Variants in SLC16A12 observed in about 807,000 individuals in gnomAD.
SLC16A12 encodes the protein solute carrier family 16 member 12.
In SLC16A12, 17 loss-of-function variants were observed where a neutral mutation model predicts 42.4. The ratio of observed to expected loss-of-function variants is 0.40; its 90% CI spans 0.27 to 0.60. The LOEUF is 0.60. Among genes scored for constraint, SLC16A12 ranks in the 20% least tolerant of loss-of-function variants. The probability of loss-of-function intolerance (pLI) is 0.42; values close to 1 mark genes in which losing one functional copy is unlikely to be tolerated. For synonymous variants in SLC16A12, 224 were observed against 229.4 expected (o/e 0.98, Z 0.21); for missense variants, 544 against 623.0 (o/e 0.87, Z 1.35).
At chr10:89,483,930 C>G (rs1251177181) in intron 2 of SLC16A12, among the ~76,000 whole-genome samples, 1 of 152,090 alleles carries the variant, frequency 6.6e-6, no homozygotes, top group Non-Finnish European at 1.5e-5. Flanking sequence ...CTTTTGGCAT[C>G]CAAATGCTGA....
chr10:89,443,710 G>A, intron 4 of SLC16A12, 46 bp downstream of exon 4: 2 of 1,327,206 alleles, frequency 1.5e-6, no homozygotes, highest in Non-Finnish European at 2.2e-6. Context: ...GTCATATACA[G>A]TTCAAGAGTG....
chr10:89,480,006 T>A (rs2133784668), intron 2 of SLC16A12, among the ~76,000 whole-genome samples: 2 of 152,288 alleles, frequency 1.3e-5, no homozygotes, highest in Middle Eastern at 6.8e-3. Context: ...AGAAGGAGGC[T>A]TATAAGAGGC....
chr10:89,521,853 T>C (rs577934495), intron 2 of SLC16A12, among the ~76,000 whole-genome samples: 26 of 152,354 alleles, frequency 1.7e-4, no homozygotes, highest in African/African-American at 5.5e-4. Flanking sequence ...ATGCAAAATG[T>C]AAGCTATGCA....
At chr10:89,484,439 C>G (rs1212201749) in intron 2 of SLC16A12, among the ~76,000 whole-genome samples, 1 of 152,184 alleles carries the variant, frequency 6.6e-6, no homozygotes, top group Non-Finnish European at 1.5e-5. Context: ...AAAAGAGTTT[C>G]AACTCACAGT....
At chr10:89,532,907 T>C (rs1843579048) in intron 2 of SLC16A12, among the ~76,000 whole-genome samples, 1 of 152,198 alleles carries the variant, frequency 6.6e-6, no homozygotes, top group African/African-American at 2.4e-5. Flanking sequence ...AGCAACATCT[T>C]ATAAACTAAT....
chr10:89,448,512 A>T (rs9687632), intron 3 of SLC16A12, among the ~76,000 whole-genome samples: 3 of 152,224 alleles, frequency 2.0e-5, no homozygotes, highest in African/African-American at 7.2e-5. Flanking sequence ...AAACCACATG[A>T]TTATCTCAAT....
Position 89,490,204 on chromosome 10 carries a change from G to A in SLC16A12, c.-46-27580C>T, listed in dbSNP as rs1215010328. Reference sequence around the variant, plus strand: ...ATGATGAGCAGATAACAGTGAACCTGGACTTGCAATCAAATCTCAGAACTT... The same window carrying A: ...ATGATGAGCAGATAACAGTGAACCTAGACTTGCAATCAAATCTCAGAACTT... On this transcript the variant is annotated intron_variant, in intron 2 of 7. Coordinates refer to ENST00000371790, the MANE Select transcript of SLC16A12 (RefSeq NM_213606.4). Among the ~76,000 whole-genome samples the A allele has an allele frequency of 5.9e-5, 9 of 152,178 alleles. 1 individual carries two copies. The highest frequency in any genetic ancestry group is 5.9e-4 in the Admixed American group (9 of 15,274).
At chr10:89,526,487 A>G (rs773302008) in intron 2 of SLC16A12, among the ~76,000 whole-genome samples, 1 of 152,212 alleles carries the variant, frequency 6.6e-6, no homozygotes, top group Non-Finnish European at 1.5e-5. Context: ...AAGACCGAAG[A>G]TTTCCCAGGC....
At chr10:89,516,435 A>G (rs1350474853) in intron 2 of SLC16A12, among the ~76,000 whole-genome samples, 1 of 152,146 alleles carries the variant, frequency 6.6e-6, no homozygotes, top group East Asian at 1.9e-4. Flanking sequence ...ATAACTGATG[A>G]GATTTCTTTT....
intron 2 of SLC16A12, among the ~76,000 whole-genome samples, chr10:89,514,090 C>T (rs1253093576): frequency 6.6e-6 from 1 of 152,086 alleles, no homozygotes; most frequent in African/African-American, 2.4e-5. Flanking sequence ...TGCTAAATGG[C>T]GGATTCAGAT....
chr10:89,526,337 C>T (rs1420611912), intron 2 of SLC16A12, among the ~76,000 whole-genome samples: 8 of 152,242 alleles, frequency 5.3e-5, no homozygotes. Flanking sequence ...TCACCCCTCT[C>T]TAGAAACACT....
chr10:89,550,058 GT>G (rs1843761646), intron 2 of SLC16A12, among the ~76,000 whole-genome samples: 1 of 152,020 alleles, frequency 6.6e-6, no homozygotes, highest in South Asian at 2.1e-4. Flanking sequence ...AACAAGTCCT[GT>G]CAATTGTCTC....
rs1276072629 is a variant in SLC16A12, at chr10:89,486,590, TCAAAA to T, written c.-46-23971_-46-23967del. On this transcript the variant is annotated intron_variant, in intron 2 of 7. Coordinates refer to ENST00000371790, the MANE Select transcript of SLC16A12 (RefSeq NM_213606.4). ...CTAGGTGACAGAGTGAAACCTTGTC[TCAAAA>T]AAAAAAAAAAAGAAAGAAAGAAAGA... Among the ~76,000 whole-genome samples, 6 of 32,638 alleles carry T rather than the reference TCAAAA, an allele frequency of 1.8e-4. No individual in the cohort carries two copies. The East Asian group carries it at 3.0e-3, about 17-fold the overall frequency. The allele number at this position is 32,638 out of a possible 152,430, so 21.4% of individuals were successfully genotyped here. A position where few individuals can be genotyped will look rare whatever the true frequency, so the allele number is the denominator to read the frequency against.
rs976612441 is a variant in SLC16A12, at chr10:89,462,789, C to A, written c.-46-165G>T. On this transcript the variant is annotated intron_variant, in intron 2 of 7. Transcript: ENST00000371790. ...ATTTGTTGTCCTTGGTACATGCTTT[C>A]TTTTTTAAAAATAAAATAGAACCTC... is the stretch of plus-strand genomic sequence containing the variant. 3 of 726,658 alleles carry A rather than the reference C, an allele frequency of 4.1e-6. No homozygotes were observed. In the African/African-American group the frequency reaches 5.4e-5, roughly 13 times the overall value. The allele number at this position is 726,658 out of a possible 1,614,324, so 45.0% of individuals were successfully genotyped here. A position where few individuals can be genotyped will look rare whatever the true frequency, so the allele number is the denominator to read the frequency against.
chr10:89,548,306 T>C (rs749130908), intron 2 of SLC16A12, among the ~76,000 whole-genome samples: 2 of 152,118 alleles, frequency 1.3e-5, no homozygotes, highest in African/African-American at 4.8e-5. Flanking sequence ...GGTAGCAGCA[T>C]GTGAACTGTT....
At chr10:89,463,108 G>C (rs1366818815) in intron 2 of SLC16A12, 1 of 156,118 alleles carries the variant, frequency 6.4e-6, no homozygotes, top group Admixed American at 6.3e-5. Context: ...TGGGTCCCCA[G>C]ATGACTCTGG....
chr10:89,463,263 G>A (rs531169325), intron 2 of SLC16A12, among the ~76,000 whole-genome samples: 1 of 152,324 alleles, frequency 6.6e-6, no homozygotes, highest in Admixed American at 6.5e-5. Context: ...GAATGAGTCT[G>A]ACAGCAACTT....
At chr10:89,444,006 C>A (rs1308905955) in intron 3 of SLC16A12, 147 bp from the exon 4 acceptor site, 6 of 673,394 alleles carry the variant, frequency 8.9e-6, no homozygotes, top group African/African-American at 1.8e-5. Flanking sequence ...AGAAGCTGAC[C>A]ATTTGGGCCA....
At chr10:89,515,341 A>G (rs1352940702) in intron 2 of SLC16A12, among the ~76,000 whole-genome samples, 2 of 152,198 alleles carry the variant, frequency 1.3e-5, no homozygotes, top group African/African-American at 4.8e-5. Context: ...GTTCACATGC[A>G]AAGAGCCTCC....
Sources: allele counts gnomAD v4.1 joint callset (sites outside exome capture counted in the v4.1 genomes callset), GRCh38; gene constraint gnomAD v4.1.1; transcripts MANE v1.5; gene names NCBI Gene and HGNC (gene_info 2026-07-23, HGNC 2026-07-21).